The following GAS2L3 variants were observed in gnomAD, a reference collection of about 807,000 sequenced individuals.
The protein encoded by GAS2L3 is GAS2-like protein 3.
GAS2L3 carries 28 observed loss-of-function variants against 37.0 expected under a neutral mutation model. The observed-to-expected ratio is 0.76, with a 90% confidence interval of 0.56 to 1.04. The LOEUF (loss-of-function observed/expected upper bound fraction) is 1.04, where lower values mean the gene tolerates loss of function less well. GAS2L3 is among the 50% of genes least tolerant of loss of function. GAS2L3 has a pLI of 0.00. For missense variants in GAS2L3, 793 were observed against 817.6 expected (o/e 0.97, Z 0.37); for synonymous variants, 290 against 296.6 (o/e 0.98, Z 0.23).
At chr12:100,601,061 C>T (rs1593174050) in intron 4 of GAS2L3, among the ~76,000 whole-genome samples, 1 of 152,010 alleles carries the variant, frequency 6.6e-6, no homozygotes, top group Non-Finnish European at 1.5e-5. Flanking sequence ...ATGCTTTAAG[C>T]TTTCTCCCCA....
chr12:100,619,605 T>C (rs946310529), intron 8 of GAS2L3, among the ~76,000 whole-genome samples: 9 of 152,030 alleles, frequency 5.9e-5, no homozygotes, highest in African/African-American at 2.2e-4. Flanking sequence ...GGCCAAAATA[T>C]CTACCTACAT....
intron 1 of GAS2L3, chr12:100,578,740 C>T (rs1167644945): frequency 7.7e-6 from 4 of 519,904 alleles, no homozygotes; most frequent in African/African-American, 3.8e-5. Flanking sequence ...TAAACCATCT[C>T]AGCATGGCGT....
intron 1 of GAS2L3, among the ~76,000 whole-genome samples, chr12:100,585,057 T>TC (rs1413697044): frequency 7.2e-6 from 1 of 139,732 alleles, no homozygotes; most frequent in East Asian, 2.1e-4. Flanking sequence ...CCTGGCTATT[T>TC]TTTTTTTTTT....
chr12:100,587,745 A>C (rs35692), intron 1 of GAS2L3, among the ~76,000 whole-genome samples: 19,603 of 152,128 alleles, frequency 0.13, 2,186 homozygotes, highest in African/African-American at 0.3. Flanking sequence ...AGCAGTGAGA[A>C]AAGAGAAAGA....
chr12:100,590,778 G>T lies in GAS2L3; in HGVS notation c.-151-958G>T, dbSNP rs572764526. On this transcript the variant is annotated intron_variant, in intron 1 of 9. Transcript: ENST00000547754. ...AAAAAGGAATGAATTAACAGCATTT[G>T]CAGTGACCTGGATGAGATTGAAGAC... 2.0e-5 allele frequency among the ~76,000 whole-genome samples: 3 copies of T among 152,322 alleles called. No individual in the cohort carries two copies. In the East Asian group the frequency reaches 5.8e-4, roughly 29 times the overall value.
At chr12:100,590,402 A>C (rs1955831034) in intron 1 of GAS2L3, among the ~76,000 whole-genome samples, 1 of 152,246 alleles carries the variant, frequency 6.6e-6, no homozygotes, top group Non-Finnish European at 1.5e-5. Flanking sequence ...GCCATAATCA[A>C]AAAATCAAAA....
At chr12:100,579,738 G>A in intron 1 of GAS2L3, 1 of 739,814 alleles carries the variant, frequency 1.4e-6, no homozygotes, top group South Asian at 1.5e-5. Flanking sequence ...AAGTACCAGG[G>A]TTGGTGGAAT....
intron 1 of GAS2L3, among the ~76,000 whole-genome samples, chr12:100,588,530 G>T (rs1955808092): frequency 6.6e-6 from 1 of 152,150 alleles, no homozygotes; most frequent in Non-Finnish European, 1.5e-5. Flanking sequence ...ACTAATAAGG[G>T]TCTATGTTCA....
At chr12:100,617,680 A>G in intron 6 of GAS2L3, 64 bp from the exon 7 acceptor site, 1 of 981,158 alleles carries the variant, frequency 1.0e-6, no homozygotes, top group Non-Finnish European at 1.6e-6. Flanking sequence ...CTCTTCTTCC[A>G]TGCCAGAAAT....
intron 8 of GAS2L3, among the ~76,000 whole-genome samples, chr12:100,620,794 T>G (rs930528193): frequency 1.3e-5 from 2 of 152,044 alleles, no homozygotes; most frequent in African/African-American, 4.8e-5. Flanking sequence ...CTAAAAGATA[T>G]ATCTCCTTTC....
Position 100,624,620 on chromosome 12 carries a change from G to T in GAS2L3, c.1815G>T (p.Leu605Phe). 2 of 1,614,096 alleles carry T rather than the reference G, an allele frequency of 1.2e-6. No individual in the cohort carries two copies. Among genetic ancestry groups the T allele is most frequent in the Non-Finnish European group, 1.7e-6 (2 of 1,180,018 alleles). ...SAFQKTGPSS[L>F]KSPGRTPLSI... ...TTCAGAAGACAGGACCCAGCTCCTT[G>T]AAGTCTCCTGGCCGTACCCCACTGT... is the stretch of plus-strand genomic sequence containing the variant. The change falls in exon 10 of 10, where the codon TTG becomes TTT. Residue 605 changes from leucine to phenylalanine, a missense_variant. Physicochemically the swap from Leu to Phe is conservative, Grantham distance 22. Transcript: ENST00000547754.
chr12:100,583,022 C>T (rs1955733109), intron 1 of GAS2L3, among the ~76,000 whole-genome samples: 1 of 152,242 alleles, frequency 6.6e-6, no homozygotes, highest in Admixed American at 6.5e-5. Flanking sequence ...GACCTTTCTG[C>T]ATCCCTCTTG....
chr12:100,614,631 A>G (rs1956165164), intron 6 of GAS2L3, among the ~76,000 whole-genome samples: 1 of 152,192 alleles, frequency 6.6e-6, no homozygotes, highest in African/African-American at 2.4e-5. Context: ...CATTACTACT[A>G]TCTAATTTCA....
At chr12:100,581,955 TA>T (rs1395055535) in intron 1 of GAS2L3, among the ~76,000 whole-genome samples, 3 of 151,884 alleles carry the variant, frequency 2.0e-5, no homozygotes, top group African/African-American at 7.2e-5. Context: ...AAAATATTTT[TA>T]TTTTTTTGAA....
At chr12:100,605,233 G>T (rs138298686) in intron 5 of GAS2L3, among the ~76,000 whole-genome samples, 142 of 152,078 alleles carry the variant, frequency 9.3e-4, no homozygotes, top group African/African-American at 3.3e-3. Flanking sequence ...TTTCTTTACT[G>T]GGAGGCTTTT....
intron 1 of GAS2L3, among the ~76,000 whole-genome samples, chr12:100,585,334 C>T (rs1177314523): frequency 3.3e-5 from 5 of 151,878 alleles, no homozygotes; most frequent in Non-Finnish European, 7.4e-5. Flanking sequence ...TGGCTCACTG[C>T]AACCTGTGCC....
rs1956331268 is a variant in GAS2L3, at chr12:100,626,258, C to CA, written c.*1369dup. 1 of 152,172 alleles carries CA rather than the reference C, an allele frequency of 6.6e-6. No homozygotes were observed. Among genetic ancestry groups the CA allele is most frequent in the Non-Finnish European group, 1.5e-5 (1 of 68,028 alleles). 9.4% of individuals were successfully genotyped at this position (152,172 alleles called of 1,614,324 possible). A position where few individuals can be genotyped will look rare whatever the true frequency, so the allele number is the denominator to read the frequency against. Reference sequence around the variant, plus strand: ...ATAATAGTTTACACAAATGTACAATCATAGAATAAGCATTTTAAGCTGGCG... The same window carrying CA: ...ATAATAGTTTACACAAATGTACAATCAATAGAATAAGCATTTTAAGCTGGCG... On this transcript the variant is annotated 3_prime_UTR_variant, in exon 10 of 10. Coordinates refer to ENST00000547754, the MANE Select transcript of GAS2L3 (RefSeq NM_174942.3).
intron 8 of GAS2L3, among the ~76,000 whole-genome samples, chr12:100,619,414 G>A (rs1956226903): frequency 1.3e-5 from 2 of 152,016 alleles, no homozygotes; most frequent in Non-Finnish European, 2.9e-5. Context: ...TTGGACTGTA[G>A]CATTTTATAA....
chr12:100,590,704 A>C (rs1047287469), intron 1 of GAS2L3, among the ~76,000 whole-genome samples: 1 of 151,864 alleles, frequency 6.6e-6, no homozygotes, highest in African/African-American at 2.4e-5. Context: ...CTGTGTGTGC[A>C]CTCCCCCCCA....
Sources: allele counts gnomAD v4.1 joint callset (sites outside exome capture counted in the v4.1 genomes callset), GRCh38; gene constraint gnomAD v4.1.1; transcripts MANE v1.5; gene names NCBI Gene and HGNC (gene_info 2026-07-23, HGNC 2026-07-21).